Variants in GRIK1 observed in about 807,000 individuals in gnomAD.
GRIK1 encodes the protein glutamate receptor ionotropic, kainate 1.
A neutral mutation model predicts 105.7 loss-of-function variants in GRIK1; 69 were observed. The observed-to-expected ratio is 0.65, with a 90% CI of 0.54 to 0.80. The LOEUF is 0.80. GRIK1 is among the 30% of genes least tolerant of loss of function. GRIK1 has a pLI of 0.00. For missense variants in GRIK1, 1,109 were observed against 1,167.3 expected (o/e 0.95, Z 0.73); for synonymous variants, 438 against 431.3 (o/e 1.02, Z -0.19).
intron 12 of GRIK1, chr21:29,582,430 A>C: frequency 5.0e-6 from 2 of 403,630 alleles, no homozygotes; most frequent in South Asian, 3.8e-5. Context: ...CGTTTCTGGA[A>C]AAACAACTAG....
intron 1 of GRIK1, among the ~76,000 whole-genome samples, chr21:29,824,160 T>C (rs1248077300): frequency 6.6e-6 from 1 of 151,986 alleles, no homozygotes; most frequent in Non-Finnish European, 1.5e-5. Flanking sequence ...TATATCTAAT[T>C]ATACACTATA....
chr21:29,856,317 A>G (rs1319088233), intron 1 of GRIK1, among the ~76,000 whole-genome samples: 1 of 152,198 alleles, frequency 6.6e-6, no homozygotes, highest in Non-Finnish European at 1.5e-5. Flanking sequence ...AGCATACAGC[A>G]CCAGAGCAGC....
intron 7 of GRIK1, among the ~76,000 whole-genome samples, chr21:29,637,839 CT>C (rs2062428308): frequency 6.6e-6 from 1 of 152,188 alleles, no homozygotes; most frequent in Non-Finnish European, 1.5e-5. Context: ...TTTCACCTTT[CT>C]TGAACAATCA....
At chr21:29,717,722 A>T (rs1174462142) in intron 1 of GRIK1, among the ~76,000 whole-genome samples, 2 of 152,184 alleles carry the variant, frequency 1.3e-5, no homozygotes, top group Non-Finnish European at 2.9e-5. Context: ...TTCAGATAAG[A>T]CTTTGGACTT....
intron 1 of GRIK1, among the ~76,000 whole-genome samples, chr21:29,867,894 G>GAAAGAGAGAA (rs375561796): frequency 9.1e-5 from 12 of 131,822 alleles, no homozygotes; most frequent in African/African-American, 4.1e-4. Context: ...GAAAGAGAGA[G>GAAAGAGAGAA]AGAGAGAGAA....
At chr21:29,856,906 A>G (rs975727875) in intron 1 of GRIK1, among the ~76,000 whole-genome samples, 2 of 152,088 alleles carry the variant, frequency 1.3e-5, no homozygotes, top group Non-Finnish European at 2.9e-5. Context: ...AGGTTGGAAT[A>G]AATTTGTTAT....
At chr21:29,829,912 C>A (rs182207543) in intron 1 of GRIK1, among the ~76,000 whole-genome samples, 1 of 152,068 alleles carries the variant, frequency 6.6e-6, no homozygotes, top group Non-Finnish European at 1.5e-5. Flanking sequence ...GTAATTGGTT[C>A]TCCAGCTTCC....
intron 1 of GRIK1, among the ~76,000 whole-genome samples, chr21:29,850,207 A>G (rs1247237555): frequency 6.6e-6 from 1 of 152,190 alleles, no homozygotes; most frequent in Non-Finnish European, 1.5e-5. Flanking sequence ...TTTCATAAAC[A>G]AAATCATCTT....
At chr21:29,834,490 T>C (rs1199609784) in intron 1 of GRIK1, among the ~76,000 whole-genome samples, 2 of 151,276 alleles carry the variant, frequency 1.3e-5, no homozygotes, top group Admixed American at 1.3e-4. Flanking sequence ...CCCCCCACTT[T>C]GTTCTTCACT....
intron 1 of GRIK1, among the ~76,000 whole-genome samples, chr21:29,773,765 T>C (rs2065872653): frequency 6.6e-6 from 1 of 151,892 alleles, no homozygotes; most frequent in South Asian, 2.1e-4. Flanking sequence ...GATGAGGGGG[T>C]TGACATCAAC....
intron 1 of GRIK1, among the ~76,000 whole-genome samples, chr21:29,857,643 G>A (rs1216342452): frequency 1.5e-5 from 2 of 131,590 alleles, no homozygotes; most frequent in East Asian, 2.5e-4. Context: ...TATGAAAAGG[G>A]TAACCCTTTA....
chr21:29,921,788 T>C (rs1022386932), intron 1 of GRIK1, among the ~76,000 whole-genome samples: 2 of 152,170 alleles, frequency 1.3e-5, no homozygotes, highest in Non-Finnish European at 2.9e-5. Context: ...ACTTGACAAA[T>C]AGAATTGGAC....
chr21:29,850,485 C>T (rs564471842), intron 1 of GRIK1, among the ~76,000 whole-genome samples: 119 of 152,264 alleles, frequency 7.8e-4, no homozygotes, highest in Admixed American at 1.6e-3. Flanking sequence ...GATATCCTCT[C>T]CCCTGGCCAC....
intron 1 of GRIK1, among the ~76,000 whole-genome samples, chr21:29,759,289 T>C (rs2065444395): frequency 6.6e-6 from 1 of 151,936 alleles, no homozygotes; most frequent in Admixed American, 6.6e-5. Flanking sequence ...GGCTAATTTT[T>C]TGTATTTTTA....
intron 7 of GRIK1, among the ~76,000 whole-genome samples, chr21:29,620,027 T>A (rs1343093305): frequency 6.6e-6 from 1 of 152,220 alleles, no homozygotes; most frequent in Non-Finnish European, 1.5e-5. Context: ...TTAAGTGCAG[T>A]GATTGGATTC....
At chr21:29,656,386 A>AAAAG (rs1237984496) in intron 4 of GRIK1, among the ~76,000 whole-genome samples, 4 of 143,852 alleles carry the variant, frequency 2.8e-5, no homozygotes, top group East Asian at 2.0e-4. Flanking sequence ...AAAAAAAAAA[A>AAAAG]AAAGAAATGA....
At chr21:29,759,238 C>T (rs1026034553) in intron 1 of GRIK1, among the ~76,000 whole-genome samples, 1 of 151,978 alleles carries the variant, frequency 6.6e-6, no homozygotes, top group Admixed American at 6.6e-5. Flanking sequence ...CTGCCTCAGC[C>T]TCCCGAGTAG....
rs529375752 is a variant in GRIK1, at chr21:29,572,517, A to G, written c.2130+4447T>C. 2.7e-4 allele frequency among the ~76,000 whole-genome samples: 41 copies of G among 152,110 alleles called. 1 individual carries two copies. The South Asian group carries it at 8.1e-3, about 30-fold the overall frequency. On this transcript the variant is annotated intron_variant, in intron 14 of 17. Transcript: ENST00000327783. ...TCTCCCAGAGTTTACTTTTTCACTT[A>G]TTGAAAACATAGTTTTCTGAATGCC...
chr21:29,755,914 T>G (rs2065325704), intron 1 of GRIK1, among the ~76,000 whole-genome samples: 1 of 152,130 alleles, frequency 6.6e-6, no homozygotes. Flanking sequence ...GCTTAGGTAT[T>G]AGGGTTAGAA....
Sources: gnomAD v4.1 joint callset for allele counts (sites outside exome capture counted in the v4.1 genomes callset) on GRCh38, gnomAD v4.1.1 for gene constraint, MANE v1.5 for transcripts, NCBI Gene and HGNC (gene_info 2026-07-23, HGNC 2026-07-21) for gene names.